Variants in ALCAM observed in about 807,000 individuals in gnomAD.
ALCAM encodes activated leukocyte cell adhesion molecule.
Under a neutral mutation model 70.9 loss-of-function variants are expected in ALCAM, and 30 were observed. The observed-to-expected ratio is 0.42, with a 90% CI of 0.32 to 0.57. ALCAM has a LOEUF of 0.57. ALCAM is among the 20% of genes least tolerant of loss of function. ALCAM has a pLI of 0.11. For missense variants in ALCAM, 591 were observed against 695.1 expected, an observed-to-expected ratio of 0.85 and a Z score of 1.68; for synonymous variants, 249 against 242.5, an observed-to-expected ratio of 1.03 and a Z score of -0.25.
intron 1 of ALCAM, among the ~76,000 whole-genome samples, chr3:105,460,612 A>C (rs1191934320): frequency 6.6e-6 from 1 of 151,992 alleles, no homozygotes; most frequent in Non-Finnish European, 1.5e-5. Flanking sequence ...AGAAGGGTAC[A>C]CTTTCTTCAA....
chr3:105,404,244 G>C (rs1936163412), intron 1 of ALCAM, among the ~76,000 whole-genome samples: 1 of 152,032 alleles, frequency 6.6e-6, no homozygotes, highest in South Asian at 2.1e-4. Flanking sequence ...AAGAACACCT[G>C]GGAAATTCGT....
At chr3:105,528,042 T>C (rs1939750356) in intron 3 of ALCAM, among the ~76,000 whole-genome samples, 1 of 152,180 alleles carries the variant, frequency 6.6e-6, no homozygotes, top group Non-Finnish European at 1.5e-5. Flanking sequence ...TACTTCATGA[T>C]TTATGAGGGG....
At chr3:105,373,584 T>A (rs533707037) in intron 1 of ALCAM, among the ~76,000 whole-genome samples, 1 of 152,346 alleles carries the variant, frequency 6.6e-6, no homozygotes, top group East Asian at 1.9e-4. Context: ...ATTGGAATGT[T>A]GATAATGACT....
Position 105,447,688 on chromosome 3 carries a change from G to T in ALCAM, c.74-72379G>T, listed in dbSNP as rs140322900. 5.3e-3 allele frequency among the ~76,000 whole-genome samples: 800 copies of T among 152,256 alleles called. 6 individuals are homozygous for T. Among genetic ancestry groups the T allele is most frequent in the African/African-American group, 0.018 (740 of 41,542 alleles). On this transcript the variant is annotated intron_variant, in intron 1 of 15. Coordinates refer to ENST00000306107, the MANE Select transcript of ALCAM (RefSeq NM_001627.4). ...AATCATGCCACTGCGCTCCAGCCTG[G>T]GTGACAGAGCAAGAAACTGTCTCAA...
At chr3:105,425,533 G>A (rs1458632735) in intron 1 of ALCAM, among the ~76,000 whole-genome samples, 1 of 151,720 alleles carries the variant, frequency 6.6e-6, no homozygotes, top group African/African-American at 2.4e-5. Context: ...TAAATAGATT[G>A]CACTGTAAAA....
At chr3:105,572,150 C>T (rs1434446499) in intron 15 of ALCAM, among the ~76,000 whole-genome samples, 186 bp downstream of exon 15, 1 of 151,930 alleles carries the variant, frequency 6.6e-6, no homozygotes, top group Non-Finnish European at 1.5e-5. Context: ...AGGTATGTTA[C>T]GCTGGTATAA....
At chr3:105,529,707 T>C (rs1009371849) in intron 3 of ALCAM, among the ~76,000 whole-genome samples, 2 of 152,104 alleles carry the variant, frequency 1.3e-5, no homozygotes, top group Non-Finnish European at 2.9e-5. Flanking sequence ...TTTCATTTCA[T>C]TGAAAAAATA....
intron 1 of ALCAM, among the ~76,000 whole-genome samples, chr3:105,368,076 G>A (rs1343320287): frequency 6.6e-6 from 1 of 151,936 alleles, no homozygotes; most frequent in Non-Finnish European, 1.5e-5. Flanking sequence ...GTCTGGGCGG[G>A]TGGTGAGTGA....
At chr3:105,493,096 A>G (rs7643467) in intron 1 of ALCAM, among the ~76,000 whole-genome samples, 2,003 of 152,316 alleles carry the variant, frequency 0.013, 35 homozygotes, top group African/African-American at 0.044. Flanking sequence ...TCAGCACTGT[A>G]GTATGAGGAA....
intron 1 of ALCAM, among the ~76,000 whole-genome samples, chr3:105,463,266 A>G (rs191633785): frequency 6.6e-6 from 1 of 151,520 alleles, no homozygotes; most frequent in East Asian, 1.9e-4. Flanking sequence ...GCACAACATT[A>G]TCTCAGCTAG....
At chr3:105,499,358 T>C (rs1938855963) in intron 1 of ALCAM, among the ~76,000 whole-genome samples, 1 of 152,182 alleles carries the variant, frequency 6.6e-6, no homozygotes. Flanking sequence ...TGTTAAATTG[T>C]AGCAAAAAAG....
chr3:105,467,677 G>A (rs1937786132), intron 1 of ALCAM, among the ~76,000 whole-genome samples: 1 of 151,184 alleles, frequency 6.6e-6, no homozygotes, highest in South Asian at 2.1e-4. Context: ...GAAGTGATTA[G>A]GGTGTGGTTT....
intron 1 of ALCAM, among the ~76,000 whole-genome samples, chr3:105,399,108 A>AT (rs1374373608): frequency 6.6e-6 from 1 of 152,042 alleles, no homozygotes; most frequent in African/African-American, 2.4e-5. Context: ...GATTTTTGTC[A>AT]TTTTTTTAAA....
At chr3:105,481,060 GT>G (rs1449939451) in intron 1 of ALCAM, among the ~76,000 whole-genome samples, 1 of 152,012 alleles carries the variant, frequency 6.6e-6, no homozygotes, top group Non-Finnish European at 1.5e-5. Flanking sequence ...ATATAAGAAG[GT>G]TTTTGTTTGG....
At position 105,520,904 on chromosome 3, in the gene ALCAM, A is replaced by G. The variant is rs141235185; in HGVS notation, c.174+737A>G. On this transcript the variant is annotated intron_variant, in intron 2 of 15. Transcript: ENST00000306107. ...GACTCATGACAGTCTGCAAGCTTCA[A>G]GTAGATATGTTTCCCTGGACACAAT... 4.4e-3 allele frequency among the ~76,000 whole-genome samples: 671 copies of G among 152,368 alleles called. 1 individual carries two copies. The highest frequency in any genetic ancestry group is 0.015 in the African/African-American group (635 of 41,582).
intron 1 of ALCAM, among the ~76,000 whole-genome samples, chr3:105,402,501 G>A (rs1264946157): frequency 6.6e-6 from 1 of 152,160 alleles, no homozygotes; most frequent in Non-Finnish European, 1.5e-5. Flanking sequence ...TCTCAGCCCT[G>A]GTCACCTGCT....
rs16851306 is a variant in ALCAM, at chr3:105,573,759, C to A, written c.*26-718C>A. On this transcript the variant is annotated intron_variant, in intron 15 of 15. Transcript: ENST00000306107. ...CCGATATGATATGACAAGCCCCAAC[C>A]GCCACAGTAAACCTCGGGTTCATTA... 1.7e-3 allele frequency among the ~76,000 whole-genome samples: 260 copies of A among 152,236 alleles called. 4 individuals are homozygous for A. Among genetic ancestry groups the A allele is most frequent in the South Asian group, 1.9e-3 (9 of 4,828 alleles).
intron 1 of ALCAM, among the ~76,000 whole-genome samples, chr3:105,422,004 C>T (rs1379865060): frequency 6.6e-6 from 1 of 151,374 alleles, no homozygotes; most frequent in Non-Finnish European, 1.5e-5. Flanking sequence ...AATTTTCCCA[C>T]TTGGAGTCTT....
chr3:105,376,356 G>A (rs529976650), intron 1 of ALCAM, among the ~76,000 whole-genome samples: 42 of 152,084 alleles, frequency 2.8e-4, no homozygotes, highest in Non-Finnish European at 2.9e-4. Flanking sequence ...TTTCATTTGC[G>A]CCTAAACTCA....
Sources: gnomAD v4.1 joint callset for allele counts (sites outside exome capture counted in the v4.1 genomes callset) on GRCh38, gnomAD v4.1.1 for gene constraint, MANE v1.5 for transcripts, NCBI Gene and HGNC (gene_info 2026-07-23, HGNC 2026-07-21) for gene names.